The following CDAN1 variants were observed in gnomAD, a reference collection of about 807,000 sequenced individuals.
The protein encoded by CDAN1 is codanin 1.
CDAN1 carries 107 observed loss-of-function variants against 139.8 expected under a neutral mutation model. That is an observed-to-expected ratio of 0.77 (90% CI 0.65 to 0.90). CDAN1 has a LOEUF of 0.90. Among genes scored for constraint, CDAN1 ranks in the 40% least tolerant of loss-of-function variants. CDAN1 has a pLI of 0.00. For missense variants in CDAN1, 1,667 were observed against 1,575.7 expected (o/e 1.06, Z -0.98); for synonymous variants, 776 against 660.6 (o/e 1.17, Z -2.68).
At position 42,724,635 on chromosome 15, in the gene CDAN1, T is replaced by C; in HGVS notation, c.3559-19A>G. 6.4e-7 allele frequency: 1 copy of C among 1,551,874 alleles called. No homozygotes were observed. Among genetic ancestry groups the C allele is most frequent in the East Asian group, 2.4e-5 (1 of 40,890 alleles). On this transcript the variant is annotated intron_variant, in intron 27 of 27. Coordinates refer to ENST00000356231, the MANE Select transcript of CDAN1 (RefSeq NM_138477.4). Reference sequence around the variant, plus strand: ...CAAAGTCCTGGAATACATAGAAAGATGAGGGAAAAGGCAGCATGTAATAAT... The same window carrying C: ...CAAAGTCCTGGAATACATAGAAAGACGAGGGAAAAGGCAGCATGTAATAAT...
rs142170873 is a variant in CDAN1, at chr15:42,724,747, C to T, written c.3559-131G>A. 39 of 1,146,836 alleles carry T rather than the reference C, an allele frequency of 3.4e-5. No individual in the cohort carries two copies. The East Asian group carries it at 9.9e-4, about 29-fold the overall frequency. The allele number at this position is 1,146,836 out of a possible 1,614,324, so 71.0% of individuals were successfully genotyped here. ...CAACTGCCCTCCACACTGAAATGGA[C>T]ATGAAACCTTGTCTGTTTGTTAGTA... is the stretch of plus-strand genomic sequence containing the variant. On this transcript the variant is annotated intron_variant, in intron 27 of 27. Transcript: ENST00000356231.
intron 8 of CDAN1, 28 bp from the exon 9 acceptor site, chr15:42,733,214 G>C: frequency 4.4e-6 from 7 of 1,593,824 alleles, no homozygotes; most frequent in Non-Finnish European, 6.0e-6. Context: ...CTGATCAGCC[G>C]AGGCACTCAC....
intron 23 of CDAN1, chr15:42,727,240 C>A (rs1284477502): frequency 5.3e-6 from 1 of 188,298 alleles, no homozygotes; most frequent in Admixed American, 5.7e-5. Flanking sequence ...TGTAACTAAA[C>A]AAGCATCACC....
chr15:42,730,927 G>A lies in CDAN1; in HGVS notation c.2005C>T (p.Gln669Ter). Reference sequence around the variant, plus strand: ...ACCAGAATCCCCCGCCCATTCACCTGGCTCCTGAGGGCCAGAATGGAGTCC... The same window carrying A: ...ACCAGAATCCCCCGCCCATTCACCTAGCTCCTGAGGGCCAGAATGGAGTCC... ...LQDSILALRS[Q>*]VPPVLDVRTL... Residue 669 changes from glutamine (Q) to a stop codon, truncating the protein, a stop_gained and splice_region_variant, in exon 13 of 28, where the codon CAG (glutamine) becomes TAG (stop). Transcript: ENST00000356231. LOFTEE classifies it high-confidence loss of function. 1 of 1,614,200 alleles carries A rather than the reference G, an allele frequency of 6.2e-7. No individual in the cohort carries two copies. The highest frequency in any genetic ancestry group is 8.5e-7 in the Non-Finnish European group (1 of 1,180,034).
rs2061508650 is a variant in CDAN1, at chr15:42,725,257, A to G, written c.3451-6T>C. ...AAGAATAGCAGCAAGTCCCACTGCA[A>G]AACACACCGAGGTCAGGGTTGCTAG... is the stretch of plus-strand genomic sequence containing the variant. On this transcript the variant is annotated splice_polypyrimidine_tract_variant and splice_region_variant and intron_variant, in intron 26 of 27. Coordinates refer to ENST00000356231, the MANE Select transcript of CDAN1 (RefSeq NM_138477.4). 1.2e-6 allele frequency: 2 copies of G among 1,613,528 alleles called. No individual in the cohort carries two copies. Among genetic ancestry groups the G allele is most frequent in the Non-Finnish European group, 1.7e-6 (2 of 1,179,434 alleles).
At chr15:42,728,862 G>A in intron 19 of CDAN1, 52 bp from the exon 20 acceptor site, 2 of 1,612,094 alleles carry the variant, frequency 1.2e-6, no homozygotes, top group Non-Finnish European at 1.7e-6. Flanking sequence ...ATCGGAAAGA[G>A]GCTGAAAATT....
chr15:42,726,400 G>C lies in CDAN1; in HGVS notation c.3114C>G (p.Ala1038=), dbSNP rs758940751. ...CCTCGTCAGGGTCCCGTGGCCCCAC[G>C]GCCAAGGAGAGCACGTCCTGTGAAG... is the stretch of plus-strand genomic sequence containing the variant. ...ISEIKDVLSL[A]VGPRDPDEGV... Residue 1038 remains alanine, a synonymous_variant, in exon 24 of 28, where the codon GCC becomes GCG. Coordinates refer to ENST00000356231, the MANE Select transcript of CDAN1 (RefSeq NM_138477.4). 12 of 1,595,868 alleles carry C rather than the reference G, an allele frequency of 7.5e-6. No homozygotes were observed. Among genetic ancestry groups the C allele is most frequent in the African/African-American group, 1.3e-5 (1 of 74,598 alleles).
chr15:42,734,438 T>C (rs1460470720), intron 6 of CDAN1, 92 bp from the exon 7 acceptor site: 6 of 1,531,584 alleles, frequency 3.9e-6, no homozygotes, highest in African/African-American at 2.7e-5. Flanking sequence ...CTCTAAGGCA[T>C]GGCGCAGGTA....
At chr15:42,727,479 G>T in intron 23 of CDAN1, 142 bp downstream of exon 23, 1 of 730,658 alleles carries the variant, frequency 1.4e-6, no homozygotes, top group Non-Finnish European at 2.2e-6. Flanking sequence ...CCCCCATTCA[G>T]TAATGAGTGA....
intron 20 of CDAN1, 63 bp from the exon 21 acceptor site, chr15:42,728,330 G>C: frequency 1.3e-6 from 2 of 1,544,892 alleles, no homozygotes; most frequent in Non-Finnish European, 1.8e-6. Flanking sequence ...AGAAGTAAAT[G>C]CCCCGAGTGC....
chr15:42,727,639 G>A lies in CDAN1; in HGVS notation c.3078C>T (p.His1026=), dbSNP rs1382449927. The A allele has an allele frequency of 8.2e-6, 13 of 1,580,268 alleles. No individual in the cohort carries two copies. The South Asian group carries it at 1.5e-4, about 18-fold the overall frequency. The change falls in exon 23 of 28, where the codon CAC becomes CAT. Residue 1026 remains histidine, a synonymous_variant. Coordinates refer to ENST00000356231, the MANE Select transcript of CDAN1 (RefSeq NM_138477.4). ...ACEHHAPLPS[H]LISEIKDVLS... is the part of the protein sequence containing the mutation. ...CGTGTACTTTTATCTCGGAGATGAG[G>A]TGGGAGGGGAGGGGAGCATGGTGCT...
chr15:42,736,434 GGCAGGC>G lies in CDAN1; in HGVS notation c.431_436del (p.Ser144_Pro146delinsThr). On this transcript the variant is annotated inframe_deletion, in exon 2 of 28. Coordinates refer to ENST00000356231, the MANE Select transcript of CDAN1 (RefSeq NM_138477.4). Reference sequence around the variant, plus strand: ...CCTAAGCCTCCGGCCCCCGGCTCCGGGCAGGCTCTCCCCGCTGACCCCCTCCTCCAG... The same window carrying G: ...CCTAAGCCTCCGGCCCCCGGCTCCGGTCTCCCCGCTGACCCCCTCCTCCAG... 1 of 1,596,252 alleles carries G rather than the reference GGCAGGC, an allele frequency of 6.3e-7. No homozygotes were observed. The highest frequency in any genetic ancestry group is 2.3e-5 in the East Asian group (1 of 44,082).
chr15:42,725,056 G>T, intron 27 of CDAN1, 88 bp downstream of exon 27: 1 of 1,093,552 alleles, frequency 9.1e-7, no homozygotes, highest in African/African-American at 1.6e-5. Context: ...AATCCACTTA[G>T]TTTGGCCCCA....
rs773017564 is a variant in CDAN1 at position 42,730,628 on chromosome 15, T to C, written c.2144A>G (p.Asp715Gly). 1 of 1,614,204 alleles carries C rather than the reference T, an allele frequency of 6.2e-7. No individual in the cohort carries two copies. The highest frequency in any genetic ancestry group is 1.1e-5 in the South Asian group (1 of 91,084). The change falls in exon 14 of 28, where the codon GAC becomes GGC. Residue 715 changes from aspartate to glycine, a missense_variant. Asp to Gly is a moderately conservative substitution (Grantham distance 94). Transcript: ENST00000356231. The stretch of plus-strand genomic sequence containing the variant: ...CAGGCGCAGCAGGAGAGTGAAGATG[T>C]CCCGGTAATATTCCAGCAAGGGAAC... ...HVVPLLEYYR[D>G]IFTLLLRLHR...
At chr15:42,731,507 G>C in intron 11 of CDAN1, 113 bp downstream of exon 11, 5 of 1,421,266 alleles carry the variant, frequency 3.5e-6, no homozygotes, top group Non-Finnish European at 5.0e-6. Context: ...GCAAGTTGGA[G>C]CTGGAAGGAG....
chr15:42,725,425 T>G (rs2061511633), intron 26 of CDAN1, 64 bp downstream of exon 26: 3 of 1,595,992 alleles, frequency 1.9e-6, no homozygotes, highest in African/African-American at 1.3e-5. Context: ...GCTCATAGTT[T>G]GGGGCAAGGG....
chr15:42,724,608 A>C lies in CDAN1; in HGVS notation c.3567T>G (p.Ala1189=). ...GATTAGACAGTGTTGCTAATTCTTCAGCAAAGTCCTGGAATACATAGAAAG... is the reference window on the plus strand; with the variant it reads ...GATTAGACAGTGTTGCTAATTCTTCCGCAAAGTCCTGGAATACATAGAAAG... ...LHQAQWPGDF[A]EELATLSNLF... The change falls in exon 28 of 28, where the codon GCT becomes GCG. Residue 1189 remains alanine (A), a synonymous_variant. Transcript: ENST00000356231. 6.4e-7 allele frequency: 1 copy of C among 1,552,282 alleles called. No individual in the cohort carries two copies. The highest frequency in any genetic ancestry group is 8.7e-7 in the Non-Finnish European group (1 of 1,147,062).
intron 24 of CDAN1, 55 bp downstream of exon 24, chr15:42,726,254 AG>A: frequency 6.3e-7 from 1 of 1,595,888 alleles, no homozygotes; most frequent in Non-Finnish European, 8.6e-7. Flanking sequence ...TCTGGTTATC[AG>A]GTCTCACACA....
intron 23 of CDAN1, 156 bp from the exon 24 acceptor site, chr15:42,726,573 G>A: frequency 3.1e-6 from 2 of 639,880 alleles, no homozygotes; most frequent in Non-Finnish European, 5.6e-6. Flanking sequence ...TGGGACTTGG[G>A]CAGGATAATA....
Sources: allele counts gnomAD v4.1 joint callset, GRCh38; gene constraint gnomAD v4.1.1; transcripts MANE v1.5; gene names NCBI Gene and HGNC (gene_info 2026-07-23, HGNC 2026-07-21).